PDE7B: variants seen among roughly 807,000 people sequenced by gnomAD.
PDE7B encodes the protein phosphodiesterase 7B.
A neutral mutation model predicts 56.2 loss-of-function variants in PDE7B; 29 were observed. That is an observed-to-expected ratio of 0.52 (90% CI 0.38 to 0.70). The LOEUF (loss-of-function observed/expected upper bound fraction) is 0.70. Ranked by LOEUF, PDE7B falls within the 30% of genes least tolerant of loss-of-function variation. The pLI is 0.00. For synonymous variants in PDE7B, 197 were observed against 196.9 expected (o/e 1.00, Z 0.00); for missense variants, 490 against 565.0 (o/e 0.87, Z 1.35).
At chr6:135,974,129 T>C (rs1483800867) in intron 2 of PDE7B, among the ~76,000 whole-genome samples, 1 of 152,206 alleles carries the variant, frequency 6.6e-6, no homozygotes, top group African/African-American at 2.4e-5. Flanking sequence ...TGTTATACAC[T>C]AACTAGTAAC....
chr6:136,130,742 G>A (rs1449327802), intron 3 of PDE7B, among the ~76,000 whole-genome samples: 3 of 152,002 alleles, frequency 2.0e-5, no homozygotes, highest in Admixed American at 2.0e-4. Flanking sequence ...ACCCGAGACT[G>A]GGTAATTTAT....
At chr6:136,068,313 T>C (rs1325536236) in intron 2 of PDE7B, among the ~76,000 whole-genome samples, 1 of 152,060 alleles carries the variant, frequency 6.6e-6, no homozygotes, top group Non-Finnish European at 1.5e-5. Context: ...GCCAGGTCAT[T>C]AGTGGATTCA....
intron 2 of PDE7B, among the ~76,000 whole-genome samples, chr6:136,048,284 G>A (rs920399865): frequency 2.6e-5 from 4 of 152,156 alleles, no homozygotes; most frequent in African/African-American, 9.7e-5. Context: ...AGCACTTTGG[G>A]AGGCCGAGGC....
At chr6:135,861,031 G>A (rs1775135474) in intron 1 of PDE7B, among the ~76,000 whole-genome samples, 1 of 151,904 alleles carries the variant, frequency 6.6e-6, no homozygotes, top group Admixed American at 6.6e-5. Flanking sequence ...TATATCTGAA[G>A]ACTAGATAGG....
chr6:135,997,567 T>A (rs1775589547), intron 2 of PDE7B, among the ~76,000 whole-genome samples: 1 of 152,002 alleles, frequency 6.6e-6, no homozygotes. Flanking sequence ...GAAAAAGCTC[T>A]TTATACAGAG....
chr6:135,901,747 T>C (rs1208244384), intron 1 of PDE7B, among the ~76,000 whole-genome samples: 1 of 152,180 alleles, frequency 6.6e-6, no homozygotes, highest in Non-Finnish European at 1.5e-5. Context: ...TTACTGTACT[T>C]ACAGCAATTG....
At chr6:136,158,453 C>T (rs1308894495) in intron 8 of PDE7B, among the ~76,000 whole-genome samples, 3 of 152,282 alleles carry the variant, frequency 2.0e-5, no homozygotes, top group Admixed American at 1.3e-4. Flanking sequence ...TTGGGGAACA[C>T]CCTGTGCGTG....
intron 2 of PDE7B, among the ~76,000 whole-genome samples, chr6:136,003,442 A>G (rs1043867218): frequency 1.3e-5 from 2 of 152,204 alleles, no homozygotes; most frequent in Admixed American, 6.6e-5. Flanking sequence ...CAACAAAATC[A>G]GTAGACTGCT....
At chr6:135,928,468 T>TA in intron 1 of PDE7B, among the ~76,000 whole-genome samples, 2 of 91,640 alleles carry the variant, frequency 2.2e-5, no homozygotes, top group African/African-American at 4.1e-5. Context: ...TATATATTTA[T>TA]TTATATATAT....
intron 3 of PDE7B, among the ~76,000 whole-genome samples, chr6:136,136,461 C>T (rs1006446673): frequency 4.0e-5 from 6 of 151,870 alleles, no homozygotes; most frequent in South Asian, 2.1e-4. Context: ...TGCAACCACA[C>T]GAGGCACAAC....
rs137950272 is a variant in PDE7B at position 136,066,812 on chromosome 6, T to C, written c.83-41919T>C. Among the ~76,000 whole-genome samples, 146 of 151,750 alleles carry C rather than the reference T, an allele frequency of 9.6e-4. 1 individual carries two copies. Among genetic ancestry groups the C allele is most frequent in the African/African-American group, 3.4e-3 (139 of 41,416 alleles). On this transcript the variant is annotated intron_variant, in intron 2 of 12. Coordinates refer to ENST00000308191, the MANE Select transcript of PDE7B (RefSeq NM_018945.4). ...GAAATATGAATACTGGTTACATCCT[T>C]ATCAATGACTCCCTGAGTATTCCTT...
intron 2 of PDE7B, among the ~76,000 whole-genome samples, chr6:136,054,157 T>A (rs548725724): frequency 7.2e-5 from 11 of 152,330 alleles, no homozygotes; most frequent in African/African-American, 2.4e-4. Context: ...TGGTATTGCC[T>A]AGGTTTCTTC....
intron 2 of PDE7B, among the ~76,000 whole-genome samples, chr6:135,968,610 A>G (rs1484760097): frequency 5.9e-5 from 9 of 152,052 alleles, no homozygotes; most frequent in Admixed American, 5.3e-4. Context: ...ATCTCAGAAC[A>G]GCGATTATTA....
chr6:136,059,952 T>C (rs1402009142), intron 2 of PDE7B, among the ~76,000 whole-genome samples: 1 of 152,186 alleles, frequency 6.6e-6, no homozygotes, highest in Non-Finnish European at 1.5e-5. Context: ...TAGGAAGACA[T>C]ACCAATTACA....
At chr6:136,177,001 T>C (rs1202486698) in intron 9 of PDE7B, among the ~76,000 whole-genome samples, 2 of 151,960 alleles carry the variant, frequency 1.3e-5, no homozygotes, top group Non-Finnish European at 2.9e-5. Context: ...TGTTCAGAAC[T>C]GGATTAAAGA....
chr6:136,090,610 T>G (rs1777371045), intron 2 of PDE7B, among the ~76,000 whole-genome samples: 1 of 152,236 alleles, frequency 6.6e-6, no homozygotes, highest in Admixed American at 6.5e-5. Flanking sequence ...TACACATTGT[T>G]GTCAAAGTCC....
chr6:136,069,432 TCAA>T (rs2128213717), intron 2 of PDE7B, among the ~76,000 whole-genome samples: 1 of 152,308 alleles, frequency 6.6e-6, no homozygotes, highest in South Asian at 2.1e-4. Flanking sequence ...GCATCCTCCA[TCAA>T]CAAGTCCTAA....
At chr6:136,130,888 T>G (rs1376628739) in intron 3 of PDE7B, among the ~76,000 whole-genome samples, 4 of 152,154 alleles carry the variant, frequency 2.6e-5, no homozygotes, top group Non-Finnish European at 5.9e-5. Flanking sequence ...TTCCCCCTTA[T>G]CAGACCATCA....
At chr6:135,868,546 C>T (rs976429809) in intron 1 of PDE7B, among the ~76,000 whole-genome samples, 5 of 152,198 alleles carry the variant, frequency 3.3e-5, no homozygotes, top group South Asian at 2.1e-4. Flanking sequence ...ATTCTCCTGC[C>T]TCAGCCTCCT....
Sources: allele counts gnomAD v4.1 joint callset (sites outside exome capture counted in the v4.1 genomes callset), GRCh38; gene constraint gnomAD v4.1.1; transcripts MANE v1.5; gene names NCBI Gene and HGNC (gene_info 2026-07-23, HGNC 2026-07-21).